MRTFB: variants seen among roughly 807,000 people sequenced by gnomAD.
The protein encoded by MRTFB is myocardin-related transcription factor B.
Under a neutral mutation model 104.2 loss-of-function variants are expected in MRTFB, and 29 were observed. That is an observed-to-expected ratio of 0.28 (90% CI 0.21 to 0.38). MRTFB has a LOEUF of 0.38. Ranked by LOEUF, MRTFB falls within the 10% of genes least tolerant of loss-of-function variation. The pLI, the probability that MRTFB is intolerant of heterozygous loss-of-function variation, is 1.00. For synonymous variants in MRTFB, 535 were observed against 519.5 expected (o/e 1.03, Z -0.41); for missense variants, 1,270 against 1,341.6 (o/e 0.95, Z 0.83).
At chr16:14,226,943 G>T (rs1175574951) in intron 8 of MRTFB, among the ~76,000 whole-genome samples, 1 of 151,642 alleles carries the variant, frequency 6.6e-6, no homozygotes, top group Non-Finnish European at 1.5e-5. Context: ...AAGCACCACT[G>T]CACTCCAGCC....
At chr16:14,036,288 ATATATATT>A in the MRTFB span, among the ~76,000 whole-genome samples, 4 of 51,106 alleles carry the variant, frequency 7.8e-5, no homozygotes, top group Non-Finnish European at 1.6e-4. Context: ...TATGTATTTT[ATATATATT>A]TATATATATA....
At position 14,212,079 on chromosome 16, in the gene MRTFB, T is replaced by C. The variant is rs766721213; in HGVS notation, c.221-275T>C. ...CAGACAGTCCCCTCGGCAATGGAGA[T>C]TTGCTATGAGTAGTCAGAACTAGTC... is the stretch of plus-strand genomic sequence containing the variant. On this transcript the variant is annotated intron_variant, in intron 4 of 16. Transcript: ENST00000571589. 7.2e-5 allele frequency among the ~76,000 whole-genome samples: 11 copies of C among 152,336 alleles called. No homozygotes were observed. In the East Asian group the frequency reaches 7.7e-4, roughly 11 times the overall value.
At chr16:14,101,325 G>A (rs1321533572) in intron 2 of MRTFB, among the ~76,000 whole-genome samples, 1 of 152,108 alleles carries the variant, frequency 6.6e-6, no homozygotes, top group Non-Finnish European at 1.5e-5. Context: ...TAGAGGTGCA[G>A]AGGGAATACA....
At chr16:14,219,873 A>G (rs2151218353) in intron 8 of MRTFB, among the ~76,000 whole-genome samples, 1 of 152,300 alleles carries the variant, frequency 6.6e-6, no homozygotes, top group East Asian at 1.9e-4. Context: ...GAGGGAGGGA[A>G]GGGGAGAGAG....
intron 4 of MRTFB, among the ~76,000 whole-genome samples, chr16:14,210,754 G>A (rs2041158572): frequency 6.6e-6 from 1 of 152,158 alleles, no homozygotes; most frequent in African/African-American, 2.4e-5. Context: ...GTAATTAAAT[G>A]TATCTCAGTT....
At chr16:14,252,150 C>T in intron 14 of MRTFB, 127 bp downstream of exon 14, 1 of 1,262,502 alleles carries the variant, frequency 7.9e-7, no homozygotes, top group Non-Finnish European at 1.1e-6. Flanking sequence ...ACAGTGATAA[C>T]TTGTGAAGGA....
chr16:14,255,253 T>G (rs2043428895), intron 15 of MRTFB, among the ~76,000 whole-genome samples: 2 of 152,210 alleles, frequency 1.3e-5, no homozygotes, highest in Admixed American at 1.3e-4. Context: ...AAACAATGGC[T>G]GACATGTTCA....
At chr16:14,055,448 C>T in the MRTFB span, among the ~76,000 whole-genome samples, 1 of 152,214 alleles carries the variant, frequency 6.6e-6, no homozygotes, top group Admixed American at 6.5e-5. Flanking sequence ...CTCTAATGAC[C>T]TGTTTCTGTC....
intron 8 of MRTFB, among the ~76,000 whole-genome samples, chr16:14,225,488 C>A (rs955104835): frequency 1.3e-5 from 2 of 152,092 alleles, no homozygotes; most frequent in Non-Finnish European, 2.9e-5. Flanking sequence ...AACAAAAAAT[C>A]CGTAGAATCT....
At chr16:14,005,867 CAGAAA>C in the MRTFB span, among the ~76,000 whole-genome samples, 1 of 152,126 alleles carries the variant, frequency 6.6e-6, no homozygotes, top group Non-Finnish European at 1.5e-5. Context: ...TTCAAGCAAA[CAGAAA>C]AGGTATGTGG....
At chr16:14,140,460 A>G in intron 2 of MRTFB, 84 bp from the exon 3 acceptor site, 1 of 970,730 alleles carries the variant, frequency 1.0e-6, no homozygotes, top group East Asian at 2.6e-5. Context: ...CTGGACTAGA[A>G]CCCAGGATTC....
chr16:14,094,111 G>T (rs945701511), intron 2 of MRTFB, among the ~76,000 whole-genome samples: 1 of 152,144 alleles, frequency 6.6e-6, no homozygotes, highest in Admixed American at 6.5e-5. Flanking sequence ...ATGTGGCACC[G>T]ATGAAAGAAG....
At chr16:14,171,219 A>C (rs1362157983) in intron 3 of MRTFB, among the ~76,000 whole-genome samples, 1 of 152,316 alleles carries the variant, frequency 6.6e-6, no homozygotes, top group South Asian at 2.1e-4. Context: ...TAGAGTATTT[A>C]TAAACTAAGA....
the MRTFB span, chr16:14,013,477 G>A: frequency 6.6e-6 from 1 of 152,136 alleles, no homozygotes; most frequent in Non-Finnish European, 1.5e-5. Flanking sequence ...GAAAGAAGAG[G>A]GGAAAACATT....
upstream of MRTFB, among the ~76,000 whole-genome samples, chr16:14,066,505 C>T (rs535502375): frequency 1.3e-5 from 2 of 152,222 alleles, no homozygotes; most frequent in Non-Finnish European, 2.9e-5. Context: ...GAACTCCTGA[C>T]CTTGTGATCT....
chr16:14,083,462 A>C (rs982131814), intron 2 of MRTFB, among the ~76,000 whole-genome samples: 10 of 152,272 alleles, frequency 6.6e-5, no homozygotes, highest in African/African-American at 2.4e-4. Flanking sequence ...GCTCCAGGAC[A>C]GGTCTGAAGG....
chr16:14,109,627 A>G (rs1345762559), intron 2 of MRTFB, among the ~76,000 whole-genome samples: 1 of 152,208 alleles, frequency 6.6e-6, no homozygotes, highest in Non-Finnish European at 1.5e-5. Flanking sequence ...ACACCGATGG[A>G]GAAGATGAGA....
intron 6 of MRTFB, among the ~76,000 whole-genome samples, chr16:14,213,852 C>T (rs2041301461): frequency 6.6e-6 from 1 of 152,180 alleles, no homozygotes; most frequent in Non-Finnish European, 1.5e-5. Flanking sequence ...GCTGGTACCA[C>T]AGATGCCTCT....
intron 1 of MRTFB, among the ~76,000 whole-genome samples, chr16:14,075,582 T>C (rs929669159): frequency 2.0e-5 from 3 of 152,254 alleles, no homozygotes; most frequent in Non-Finnish European, 4.4e-5. Context: ...CCATAGAATT[T>C]ACATTGTTAA....
Sources: gnomAD v4.1 joint callset for allele counts (sites outside exome capture counted in the v4.1 genomes callset) on GRCh38, gnomAD v4.1.1 for gene constraint, MANE v1.5 for transcripts, NCBI Gene and HGNC (gene_info 2026-07-23, HGNC 2026-07-21) for gene names.